The following DISP1 variants were observed in gnomAD, a reference collection of about 807,000 sequenced individuals.
DISP1 encodes dispatched RND transporter family member 1.
DISP1 carries 30 observed loss-of-function variants against 37.3 expected under a neutral mutation model. The ratio of observed to expected loss-of-function variants is 0.80; its 90% confidence interval spans 0.60 to 1.09. The LOEUF is 1.09. Among genes scored for constraint, DISP1 ranks in the 50% least tolerant of loss-of-function variants. The pLI is 0.00. For synonymous variants in DISP1, 634 were observed against 690.2 expected, an observed-to-expected ratio of 0.92 and a Z score of 1.28; for missense variants, 1,598 against 1,879.5, an observed-to-expected ratio of 0.85 and a Z score of 2.77.
In DISP1 at chr1:222,949,212, T is replaced by C. The variant is rs564039553; in HGVS notation, c.509+5880T>C. ...AGTTCGAGACCAGCCTGGCCAGCAA[T>C]GGCGAAACCCTGTCTCTGCTAAACT... is the stretch of plus-strand genomic sequence containing the variant. On this transcript the variant is annotated intron_variant, in intron 3 of 8. Transcript: ENST00000675850. Among the ~76,000 whole-genome samples, 8 of 152,200 alleles carry C rather than the reference T, an allele frequency of 5.3e-5. No homozygotes were observed. The South Asian group carries it at 1.2e-3, about 24-fold the overall frequency.
intron 3 of DISP1, among the ~76,000 whole-genome samples, chr1:222,981,735 G>A (rs981887202): frequency 1.3e-5 from 2 of 152,240 alleles, no homozygotes; most frequent in African/African-American, 4.8e-5. Context: ...ATAGCTTGAA[G>A]TAGGAAGTTT....
intron 1 of DISP1, among the ~76,000 whole-genome samples, chr1:222,838,279 C>G (rs1332387552): frequency 6.6e-6 from 1 of 151,936 alleles, no homozygotes; most frequent in Non-Finnish European, 1.5e-5. Flanking sequence ...AACTTGTTTT[C>G]TTGGAGTTTA....
intron 1 of DISP1, among the ~76,000 whole-genome samples, chr1:222,846,262 C>T (rs748651588): frequency 3.9e-5 from 6 of 152,146 alleles, no homozygotes; most frequent in Admixed American, 1.3e-4. Context: ...GAGGCCAAGG[C>T]GGGCGGATCA....
intron 3 of DISP1, among the ~76,000 whole-genome samples, chr1:222,949,120 G>A (rs2039782): frequency 0.42 from 64,432 of 152,000 alleles, 13,847 homozygotes; most frequent in Middle Eastern, 0.55. Flanking sequence ...AAGGCCAGGC[G>A]TGGTGGCTTG....
chr1:222,820,775 A>C (rs1437923880), intron 1 of DISP1, among the ~76,000 whole-genome samples: 1 of 152,172 alleles, frequency 6.6e-6, no homozygotes, highest in Non-Finnish European at 1.5e-5. Context: ...AATACAAGAT[A>C]ATGTACATAA....
At chr1:222,958,638 T>C (rs1675800704) in intron 3 of DISP1, among the ~76,000 whole-genome samples, 1 of 152,204 alleles carries the variant, frequency 6.6e-6, no homozygotes, top group South Asian at 2.1e-4. Context: ...TTAGAAAATA[T>C]ATATTTTAGT....
chr1:222,869,861 C>T (rs1669425665), intron 1 of DISP1, among the ~76,000 whole-genome samples: 1 of 151,900 alleles, frequency 6.6e-6, no homozygotes, highest in Non-Finnish European at 1.5e-5. Flanking sequence ...CATATGTATA[C>T]ATGTGACGTG....
chr1:222,951,210 C>A (rs1297879449), intron 3 of DISP1, among the ~76,000 whole-genome samples: 2 of 152,118 alleles, frequency 1.3e-5, no homozygotes, highest in Admixed American at 1.3e-4. Flanking sequence ...ATTGTCCCTG[C>A]CACCCCCATA....
chr1:222,870,907 G>A (rs909727774), intron 1 of DISP1, among the ~76,000 whole-genome samples: 1 of 152,080 alleles, frequency 6.6e-6, no homozygotes, highest in Non-Finnish European at 1.5e-5. Flanking sequence ...TTTCTTCTAG[G>A]GTTTTTATGG....
intron 1 of DISP1, among the ~76,000 whole-genome samples, chr1:222,841,468 TCA>T (rs1302280245): frequency 1.3e-5 from 2 of 152,216 alleles, no homozygotes; most frequent in African/African-American, 4.8e-5. Flanking sequence ...CTAGTAAGTG[TCA>T]GAGCTGGACT....
At chr1:222,827,564 T>C (rs761938858) in intron 1 of DISP1, 1 of 152,174 alleles carries the variant, frequency 6.6e-6, no homozygotes, top group African/African-American at 2.4e-5. Context: ...CAAATTTTGG[T>C]ATTACATGCT....
At chr1:222,930,057 G>A (rs1414669613) in intron 2 of DISP1, among the ~76,000 whole-genome samples, 1 of 152,044 alleles carries the variant, frequency 6.6e-6, no homozygotes, top group Admixed American at 6.6e-5. Flanking sequence ...TTCAGTCTGG[G>A]AAATATGTAT....
chr1:222,981,726 TA>T (rs1473111490), intron 3 of DISP1, among the ~76,000 whole-genome samples: 2 of 152,214 alleles, frequency 1.3e-5, no homozygotes, highest in Non-Finnish European at 2.9e-5. Flanking sequence ...GGAAGAGTAA[TA>T]GCTTGAAGTA....
intron 1 of DISP1, among the ~76,000 whole-genome samples, chr1:222,922,343 A>T (rs1007775216): frequency 6.6e-6 from 1 of 152,142 alleles, no homozygotes; most frequent in Non-Finnish European, 1.5e-5. Flanking sequence ...GAGACCATAG[A>T]TAGGGTCACA....
At chr1:222,817,784 G>A (rs1661622005) in intron 1 of DISP1, among the ~76,000 whole-genome samples, 1 of 152,210 alleles carries the variant, frequency 6.6e-6, no homozygotes, top group African/African-American at 2.4e-5. Context: ...ATGAATCACT[G>A]CAGTCCTGTT....
At chr1:222,831,199 T>A (rs1041971475) in intron 1 of DISP1, among the ~76,000 whole-genome samples, 2 of 152,316 alleles carry the variant, frequency 1.3e-5, no homozygotes, top group Non-Finnish European at 1.5e-5. Context: ...AAAACTGGGT[T>A]CTGTCAACGT....
intron 1 of DISP1, among the ~76,000 whole-genome samples, chr1:222,883,189 T>G (rs1670375896): frequency 6.6e-6 from 1 of 152,172 alleles, no homozygotes; most frequent in South Asian, 2.1e-4. Context: ...GTTCATACGC[T>G]TTAACACATT....
intron 1 of DISP1, among the ~76,000 whole-genome samples, chr1:222,877,847 G>A (rs909086158): frequency 6.6e-6 from 1 of 152,184 alleles, no homozygotes; most frequent in South Asian, 2.1e-4. Context: ...GCAGGAACTC[G>A]GTGAAGAAGG....
At chr1:222,876,338 A>G (rs570279050) in intron 1 of DISP1, among the ~76,000 whole-genome samples, 7 of 152,208 alleles carry the variant, frequency 4.6e-5, no homozygotes, top group Non-Finnish European at 8.8e-5. Context: ...AAAGATAAAT[A>G]TAAATGAAGC....
Sources: gnomAD v4.1 joint callset for allele counts (sites outside exome capture counted in the v4.1 genomes callset) on GRCh38, gnomAD v4.1.1 for gene constraint, MANE v1.5 for transcripts, NCBI Gene and HGNC (gene_info 2026-07-23, HGNC 2026-07-21) for gene names.